The following BANK1 variants were observed in gnomAD, a reference collection of about 807,000 sequenced individuals.
The protein encoded by BANK1 is B cell scaffold protein with ankyrin repeats 1.
BANK1 carries 95 observed loss-of-function variants against 94.5 expected under a neutral mutation model. The ratio of observed to expected loss-of-function variants is 1.00; its 90% CI spans 0.85 to 1.19. The LOEUF is 1.19. BANK1 is among the 50% of genes most tolerant of loss of function. The pLI is 0.00. For synonymous variants in BANK1, 334 were observed against 308.4 expected (o/e 1.08, Z -0.87); for missense variants, 987 against 932.2 (o/e 1.06, Z -0.77).
At chr4:101,925,710 T>C (rs1388327346) in intron 7 of BANK1, among the ~76,000 whole-genome samples, 1 of 151,724 alleles carries the variant, frequency 6.6e-6, no homozygotes, top group Non-Finnish European at 1.5e-5. Context: ...TTAAAGACCC[T>C]TGGATACCTA....
intron 6 of BANK1, among the ~76,000 whole-genome samples, chr4:101,898,489 A>G (rs550624900): frequency 1.1e-4 from 16 of 152,202 alleles, no homozygotes; most frequent in African/African-American, 3.8e-4. Context: ...TATTTATTAA[A>G]CAATTATTAT....
chr4:101,887,529 C>T (rs1258387810), intron 5 of BANK1, among the ~76,000 whole-genome samples: 1 of 152,084 alleles, frequency 6.6e-6, no homozygotes, highest in East Asian at 1.9e-4. Flanking sequence ...TCTACACTTA[C>T]AAGATTACAT....
chr4:101,821,404 G>A (rs910856938), intron 1 of BANK1, among the ~76,000 whole-genome samples: 1 of 152,112 alleles, frequency 6.6e-6, no homozygotes, highest in South Asian at 2.1e-4. Flanking sequence ...TCTGTACGTT[G>A]TCTGTTCACT....
At chr4:101,963,879 A>G (rs1375290901) in intron 7 of BANK1, among the ~76,000 whole-genome samples, 1 of 152,066 alleles carries the variant, frequency 6.6e-6, no homozygotes, top group Non-Finnish European at 1.5e-5. Context: ...CAATCTGTCC[A>G]TCCTTCAATT....
intron 8 of BANK1, 117 bp from the exon 9 acceptor site, chr4:102,025,084 A>G (rs575064890): frequency 7.4e-6 from 8 of 1,081,966 alleles, no homozygotes; most frequent in African/African-American, 1.6e-5. Context: ...GCTTTTCACT[A>G]TATCAGGTCA....
intron 7 of BANK1, among the ~76,000 whole-genome samples, chr4:102,000,708 G>A (rs377508824): frequency 3.3e-5 from 5 of 152,134 alleles, no homozygotes; most frequent in East Asian, 1.9e-4. Flanking sequence ...TAATGGAGGT[G>A]GCAAAAAGCT....
At chr4:101,922,316 T>C (rs759965643) in intron 7 of BANK1, among the ~76,000 whole-genome samples, 2 of 151,832 alleles carry the variant, frequency 1.3e-5, no homozygotes, top group Non-Finnish European at 2.9e-5. Flanking sequence ...CTCTCAGTAT[T>C]TTACAAGTAG....
rs1315076976 is a variant in BANK1 at position 101,870,560 on chromosome 4, T to C, written c.819T>C (p.Ala273=). The C allele has an allele frequency of 6.2e-7, 1 of 1,612,964 alleles. No homozygotes were observed. The highest frequency in any genetic ancestry group is 1.1e-5 in the South Asian group (1 of 91,038). ...TCTACTGTGATGGAATCGTTAAAGC[T>C]ACAACCAAAATTAAGTACTACCCAA... ...VNVYCDGIVK[A]TTKIKYYPTA... is the part of the protein sequence containing the mutation. The change falls in exon 5 of 17, where the codon GCT becomes GCC. Residue 273 remains alanine (A), a synonymous_variant. Coordinates refer to ENST00000322953, the MANE Select transcript of BANK1 (RefSeq NM_017935.5).
Position 101,944,037 on chromosome 4 carries a change from T to A in BANK1, c.1206+25848T>A, listed in dbSNP as rs569749490. 1.6e-3 allele frequency among the ~76,000 whole-genome samples: 240 copies of A among 148,142 alleles called. 1 individual carries two copies. Among genetic ancestry groups the A allele is most frequent in the East Asian group, 5.2e-3 (26 of 5,014 alleles). Reference sequence around the variant, plus strand: ...GTGTGTGTGTTTGTGTGTGTGTGTGTGTGAGAGAGAGAGAGAGAGAGAGAG... The same window carrying A: ...GTGTGTGTGTTTGTGTGTGTGTGTGAGTGAGAGAGAGAGAGAGAGAGAGAG... On this transcript the variant is annotated intron_variant, in intron 7 of 16. Transcript: ENST00000322953.
intron 5 of BANK1, among the ~76,000 whole-genome samples, chr4:101,887,545 AT>A (rs1728899888): frequency 6.6e-6 from 1 of 152,170 alleles, no homozygotes; most frequent in Non-Finnish European, 1.5e-5. Context: ...TACATTTAAT[AT>A]TTACATTTAA....
At chr4:101,927,145 G>A (rs1049583411) in intron 7 of BANK1, among the ~76,000 whole-genome samples, 3 of 151,698 alleles carry the variant, frequency 2.0e-5, no homozygotes, top group Non-Finnish European at 4.4e-5. Flanking sequence ...CCACATGACT[G>A]GGGAGACCCC....
At chr4:102,007,165 T>C (rs1275390237) in intron 7 of BANK1, among the ~76,000 whole-genome samples, 1 of 102,408 alleles carries the variant, frequency 9.8e-6, no homozygotes, top group African/African-American at 3.3e-5. Flanking sequence ...TATATATATA[T>C]ATATAAAATC....
intron 2 of BANK1, among the ~76,000 whole-genome samples, chr4:101,845,890 G>T (rs1394343285): frequency 6.6e-6 from 1 of 151,096 alleles, no homozygotes; most frequent in African/African-American, 2.5e-5. Flanking sequence ...TATACTTTAA[G>T]TTTTAAGGTA....
intron 13 of BANK1, among the ~76,000 whole-genome samples, chr4:102,070,400 C>A (rs1728721252): frequency 6.6e-6 from 1 of 152,108 alleles, no homozygotes; most frequent in Non-Finnish European, 1.5e-5. Flanking sequence ...CTTTTCTTTT[C>A]CAGTGGAATG....
chr4:102,001,126 AG>A lies in BANK1; in HGVS notation c.1207-20386del, dbSNP rs146492600. On this transcript the variant is annotated intron_variant, in intron 7 of 16. Transcript: ENST00000322953. ...CAGCAGCAGCAGTGTGTATGGTCAC[AG>A]GCTGGTTTCTAGAATATCAAAGGAG... 4.7e-3 allele frequency among the ~76,000 whole-genome samples: 711 copies of A among 152,356 alleles called. 13 individuals are homozygous for A. The East Asian group carries it at 0.056, about 12-fold the overall frequency.
intron 7 of BANK1, among the ~76,000 whole-genome samples, chr4:101,967,579 C>G (rs1724807793): frequency 6.6e-6 from 1 of 152,016 alleles, no homozygotes; most frequent in Non-Finnish European, 1.5e-5. Flanking sequence ...CACCAGGTCT[C>G]TGTAATTTAT....
chr4:101,867,008 A>T (rs12499423), intron 4 of BANK1, among the ~76,000 whole-genome samples: 3,482 of 43,272 alleles, frequency 0.08, 338 homozygotes, highest in East Asian at 0.2. Flanking sequence ...CACTCTGGGG[A>T]CTGTGGTGGG....
chr4:102,060,655 T>G (rs1404639732), intron 12 of BANK1, among the ~76,000 whole-genome samples: 7 of 152,180 alleles, frequency 4.6e-5, no homozygotes, highest in Non-Finnish European at 7.3e-5. Context: ...AGTGAGTGTT[T>G]TTTGAATCTT....
intron 7 of BANK1, among the ~76,000 whole-genome samples, chr4:101,988,973 A>C (rs1437465473): frequency 6.6e-6 from 1 of 152,204 alleles, no homozygotes; most frequent in Non-Finnish European, 1.5e-5. Flanking sequence ...CTTATATAAC[A>C]TTCTTTATAT....
Sources: allele counts gnomAD v4.1 joint callset (sites outside exome capture counted in the v4.1 genomes callset), GRCh38; gene constraint gnomAD v4.1.1; transcripts MANE v1.5; gene names NCBI Gene and HGNC (gene_info 2026-07-23, HGNC 2026-07-21).